LMBR1: variants seen among roughly 807,000 people sequenced by gnomAD.
The protein encoded by LMBR1 is limb development membrane protein 1.
In LMBR1, 52 loss-of-function variants were observed where a neutral mutation model predicts 73.9. That is an observed-to-expected ratio of 0.70 (90% confidence interval 0.56 to 0.89). The LOEUF is 0.89. Ranked by LOEUF, LMBR1 falls within the 40% of genes least tolerant of loss-of-function variation. LMBR1 has a pLI of 0.00. For missense variants in LMBR1, 539 were observed against 579.8 expected (o/e 0.93, Z 0.72); for synonymous variants, 215 against 209.4 (o/e 1.03, Z -0.23).
chr7:156,681,267 C>A lies in LMBR1; in HGVS notation c.*2811G>T. ...GGGGAGGCCGCACTGCCGCTGAGAGCAGGTACACGTGCGCCTTTAACACAT... is the reference window on the plus strand; with the variant it reads ...GGGGAGGCCGCACTGCCGCTGAGAGAAGGTACACGTGCGCCTTTAACACAT... On this transcript the variant is annotated 3_prime_UTR_variant, in exon 17 of 17. Coordinates refer to ENST00000353442, the MANE Select transcript of LMBR1 (RefSeq NM_022458.4). The A allele has an allele frequency of 2.4e-6, 1 of 422,094 alleles. No individual in the cohort carries two copies. Among genetic ancestry groups the A allele is most frequent in the Admixed American group, 3.2e-5 (1 of 30,804 alleles). The allele number at this position is 422,094 out of a possible 1,614,324, so 26.1% of individuals were successfully genotyped here.
chr7:156,741,489 G>A (rs902304700), intron 9 of LMBR1, among the ~76,000 whole-genome samples: 6 of 152,084 alleles, frequency 3.9e-5, no homozygotes, highest in African/African-American at 1.4e-4. Flanking sequence ...AACAAGAAAA[G>A]TACAGGAGTA....
chr7:156,706,959 G>A (rs189185749), intron 15 of LMBR1, among the ~76,000 whole-genome samples: 5 of 149,618 alleles, frequency 3.3e-5, no homozygotes, highest in Admixed American at 6.7e-5. Context: ...TTGGTTCTTC[G>A]AGAAAATAAA....
chr7:156,692,222 G>A (rs543774219), intron 15 of LMBR1, among the ~76,000 whole-genome samples: 47 of 152,130 alleles, frequency 3.1e-4, no homozygotes, highest in African/African-American at 9.6e-4. Flanking sequence ...GAATACAGGC[G>A]CCCACCACCA....
intron 4 of LMBR1, among the ~76,000 whole-genome samples, chr7:156,811,608 CAA>C (rs11352812): frequency 4.8e-5 from 7 of 146,160 alleles, no homozygotes; most frequent in African/African-American, 7.6e-5. Flanking sequence ...GACTCCGTCT[CAA>C]AAAAAAAAAA....
chr7:156,731,316 A>G (rs10260986), intron 10 of LMBR1, among the ~76,000 whole-genome samples: 111,851 of 152,098 alleles, frequency 0.74, 41,949 homozygotes, highest in African/African-American at 0.89. Context: ...ACTGCAGCCT[A>G]AGGAAATAAG....
At chr7:156,830,030 G>T (rs7791644) in intron 3 of LMBR1, among the ~76,000 whole-genome samples, 10,338 of 152,204 alleles carry the variant, frequency 0.068, 445 homozygotes, top group African/African-American at 0.11. Flanking sequence ...TCCTCACCTA[G>T]AGTGAAACAG....
intron 5 of LMBR1, among the ~76,000 whole-genome samples, chr7:156,788,845 C>T (rs1231819576): frequency 6.6e-6 from 1 of 152,058 alleles, no homozygotes; most frequent in Non-Finnish European, 1.5e-5. Flanking sequence ...GTCAGGAGTT[C>T]AAGGGCAGCT....
At chr7:156,735,583 T>A (rs1476530703) in intron 9 of LMBR1, among the ~76,000 whole-genome samples, 1 of 150,152 alleles carries the variant, frequency 6.7e-6, no homozygotes, top group Non-Finnish European at 1.5e-5. Context: ...TGTATTTGAC[T>A]GCTGAGACTG....
intron 9 of LMBR1, among the ~76,000 whole-genome samples, chr7:156,754,108 T>C (rs892735601): frequency 1.3e-5 from 2 of 152,212 alleles, no homozygotes; most frequent in South Asian, 4.1e-4. Flanking sequence ...GATAACAAGA[T>C]GGCTTATTCA....
intron 4 of LMBR1, among the ~76,000 whole-genome samples, chr7:156,807,477 T>C (rs961676595): frequency 6.6e-6 from 1 of 152,224 alleles, no homozygotes; most frequent in Non-Finnish European, 1.5e-5. Context: ...ATAAAGGTGT[T>C]CATAATATGC....
intron 4 of LMBR1, among the ~76,000 whole-genome samples, chr7:156,815,426 A>G (rs1833766179): frequency 6.6e-6 from 1 of 152,222 alleles, no homozygotes; most frequent in Non-Finnish European, 1.5e-5. Flanking sequence ...CAACTAATTA[A>G]CAATATCAAT....
intron 1 of LMBR1, among the ~76,000 whole-genome samples, chr7:156,855,360 G>A (rs1796792849): frequency 6.6e-6 from 1 of 152,058 alleles, no homozygotes; most frequent in African/African-American, 2.4e-5. Context: ...CTAATCACAA[G>A]ACTACACAAT....
rs1255049874 is a variant in LMBR1 at position 156,680,931 on chromosome 7, A to G, written c.*3147T>C. The G allele has an allele frequency of 3.8e-6, 1 of 263,756 alleles. No individual in the cohort carries two copies. The highest frequency in any genetic ancestry group is 7.3e-6 in the Non-Finnish European group (1 of 137,748). The allele number at this position is 263,756 out of a possible 1,614,324, so 16.3% of individuals were successfully genotyped here. On this transcript the variant is annotated 3_prime_UTR_variant, in exon 17 of 17. Coordinates refer to ENST00000353442, the MANE Select transcript of LMBR1 (RefSeq NM_022458.4). ...CTAAGACATTTAAAAAGTCACACTAAAAGTATCTCATAGAAACAAAGACTA... is the reference window on the plus strand; with the variant it reads ...CTAAGACATTTAAAAAGTCACACTAGAAGTATCTCATAGAAACAAAGACTA...
Position 156,892,960 on chromosome 7 carries a change from G to T in LMBR1, c.34C>A (p.Gln12Lys). ...EGQDEVSARE[Q>K]HFHSQVREST... The stretch of plus-strand genomic sequence containing the variant: ...TCCCGCACTTGGCTGTGGAAGTGCT[G>T]CTCCCGCGCCGACACCTCGTCCTGC... Residue 12 changes from glutamine (Q) to lysine (K), a missense_variant, in exon 1 of 17, where the codon CAG becomes AAG. Around this residue, in one of 3 missense-constraint regions of LMBR1, gnomAD observed 454 missense variants for 473.4 expected, o/e 0.96. Coordinates refer to ENST00000353442, the MANE Select transcript of LMBR1 (RefSeq NM_022458.4). 1 of 1,543,716 alleles carries T rather than the reference G, an allele frequency of 6.5e-7. No individual in the cohort carries two copies.
At chr7:156,820,162 C>T (rs73166173) in intron 4 of LMBR1, among the ~76,000 whole-genome samples, 5,987 of 152,026 alleles carry the variant, frequency 0.039, 174 homozygotes, top group Non-Finnish European at 0.049. Context: ...GTGGTGAGTC[C>T]AATTACAGCT....
intron 5 of LMBR1, chr7:156,779,735 G>A: frequency 7.8e-7 from 1 of 1,282,594 alleles, no homozygotes; most frequent in African/African-American, 1.5e-5. Flanking sequence ...TTGCCCTCCT[G>A]TAAGGGATGT....
chr7:156,786,441 T>G (rs893859369), intron 5 of LMBR1, among the ~76,000 whole-genome samples: 2 of 152,190 alleles, frequency 1.3e-5, no homozygotes, highest in African/African-American at 4.8e-5. Context: ...CTAGAATAAC[T>G]GAATAGTAAT....
rs373455760 is a variant in LMBR1, at chr7:156,688,160, A to G, written c.1257T>C (p.Phe419=). Reference sequence around the variant, plus strand: ...AATTTCCCAGCCAATTAAACCTTCCAAAGTCGCCAAGTAGATCAAATCTAG... The same window carrying G: ...AATTTCCCAGCCAATTAAACCTTCCGAAGTCGCCAAGTAGATCAAATCTAG... ...GITRFDLLGD[F]GRFNWLGNFY... Residue 419 remains phenylalanine, a synonymous_variant, in exon 16 of 17, where the codon TTT becomes TTC. Coordinates refer to ENST00000353442, the MANE Select transcript of LMBR1 (RefSeq NM_022458.4). The G allele has an allele frequency of 3.7e-6, 6 of 1,605,692 alleles. No homozygotes were observed. Among genetic ancestry groups the G allele is most frequent in the East Asian group, 2.2e-5 (1 of 44,772 alleles).
intron 1 of LMBR1, among the ~76,000 whole-genome samples, chr7:156,850,196 G>A (rs779637678): frequency 1.3e-5 from 2 of 152,066 alleles, no homozygotes; most frequent in Non-Finnish European, 2.9e-5. Context: ...GGTGAGAGCA[G>A]GTTTGTTATA....
Sources: gnomAD v4.1 joint callset for allele counts (sites outside exome capture counted in the v4.1 genomes callset) on GRCh38, gnomAD v4.1.1 for gene constraint, gnomAD v4.1.1 regional missense constraint, MANE v1.5 for transcripts, NCBI Gene and HGNC (gene_info 2026-07-23, HGNC 2026-07-21) for gene names.